GPR19: variants seen among roughly 807,000 people sequenced by gnomAD.
GPR19 encodes the protein G protein-coupled receptor 19, also known as probable G protein-coupled receptor 19.
In GPR19, 14 loss-of-function variants were observed where a neutral mutation model predicts 28.5. The ratio of observed to expected loss-of-function variants is 0.49; its 90% CI spans 0.32 to 0.77. GPR19 has a LOEUF of 0.77. GPR19 is among the 30% of genes least tolerant of loss of function. The pLI, the probability that GPR19 is intolerant of heterozygous loss-of-function variation, is 0.03. For synonymous variants in GPR19, 173 were observed against 184.1 expected, an observed-to-expected ratio of 0.94 and a Z score of 0.49; for missense variants, 409 against 504.1, an observed-to-expected ratio of 0.81 and a Z score of 1.81.
At position 12,675,438 on chromosome 12, in the gene GPR19, TC is replaced by T. The variant is rs912531841; in HGVS notation, c.-23+8912del. The stretch of plus-strand genomic sequence containing the variant: ...TAGGCAGAATGGTTCCCCAAAGATA[TC>T]CATGCCCTAATCCCTGGAACCTGTG... On this transcript the variant is annotated intron_variant, in intron 3 of 3. Coordinates refer to ENST00000651487, the MANE Select transcript of GPR19 (RefSeq NM_006143.3). Among the ~76,000 whole-genome samples, 14 of 152,244 alleles carry T rather than the reference TC, an allele frequency of 9.2e-5. 1 individual carries two copies. The South Asian group carries it at 2.3e-3, about 25-fold the overall frequency.
chr12:12,690,492 C>G (rs559579970), intron 2 of GPR19, among the ~76,000 whole-genome samples: 1 of 152,298 alleles, frequency 6.6e-6, no homozygotes, highest in East Asian at 1.9e-4. Flanking sequence ...TGAAAGTGGT[C>G]AGACCCAAGG....
intron 3 of GPR19, among the ~76,000 whole-genome samples, chr12:12,674,777 T>A (rs1483918833): frequency 6.6e-6 from 1 of 152,232 alleles, no homozygotes; most frequent in East Asian, 1.9e-4. Flanking sequence ...TGTACTATGT[T>A]AATAATTAGA....
In GPR19 at chr12:12,661,087, C is replaced by T. The variant is rs1259380592; in HGVS notation, c.*114G>A. ...ACAGTAAACAAATGAATGCATTTTA[C>T]AAAATAAAACATTTCCCTTGGAAAG... On this transcript the variant is annotated 3_prime_UTR_variant, in exon 4 of 4. Coordinates refer to ENST00000651487, the MANE Select transcript of GPR19 (RefSeq NM_006143.3). The surrounding 1 kb of genome is among the most constrained non-coding windows in gnomAD (Gnocchi z 4.2). 3 of 728,892 alleles carry T rather than the reference C, an allele frequency of 4.1e-6. No homozygotes were observed. The highest frequency in any genetic ancestry group is 3.2e-5 in the Admixed American group (1 of 30,860). The allele number at this position is 728,892 out of a possible 1,614,324, so 45.2% of individuals were successfully genotyped here.
At chr12:12,673,042 A>C (rs2136324143) in intron 3 of GPR19, among the ~76,000 whole-genome samples, 1 of 152,352 alleles carries the variant, frequency 6.6e-6, no homozygotes, top group South Asian at 2.1e-4. Flanking sequence ...ATGAGGGACC[A>C]AGAATTGACG....
chr12:12,697,032 CT>C (rs1378332189), upstream of GPR19, among the ~76,000 whole-genome samples: 5 of 151,836 alleles, frequency 3.3e-5, no homozygotes, highest in Admixed American at 6.6e-5. Flanking sequence ...CATTTAGTTA[CT>C]TATTTAGAAT....
chr12:12,681,843 C>T lies in GPR19; in HGVS notation c.-23+2508G>A, dbSNP rs189065727. ...CTATCTTGCTAACTTGAATTTAAAT[C>T]CTGACCAAGCTTTCAAAATGCCCCA... On this transcript the variant is annotated intron_variant, in intron 3 of 3. Transcript: ENST00000651487. Among the ~76,000 whole-genome samples the T allele has an allele frequency of 3.6e-3, 554 of 152,296 alleles. 2 individuals are homozygous for T. Among genetic ancestry groups the T allele is most frequent in the Non-Finnish European group, 6.0e-3 (411 of 68,016 alleles).
At chr12:12,713,080 T>A in the GPR19 span, among the ~76,000 whole-genome samples, 7 of 139,166 alleles carry the variant, frequency 5.0e-5, no homozygotes, top group East Asian at 8.7e-4. Context: ...TTTTTTTTTT[T>A]AAGACAGAGT....
chr12:12,705,998 C>T, the GPR19 span, among the ~76,000 whole-genome samples: 1 of 152,222 alleles, frequency 6.6e-6, no homozygotes, highest in African/African-American at 2.4e-5. Context: ...CCCCTGGCCA[C>T]AGCCTGGCCT....
intron 1 of GPR19, among the ~76,000 whole-genome samples, chr12:12,695,824 A>C (rs1439885689): frequency 6.6e-6 from 1 of 152,252 alleles, no homozygotes; most frequent in Non-Finnish European, 1.5e-5. Context: ...TACTGCCTTC[A>C]TTTATCTCTC....
chr12:12,662,433 T>C lies in GPR19; in HGVS notation c.16A>G (p.Arg6Gly). The change falls in exon 4 of 4, where the codon AGA (arginine) becomes GGA (glycine). Residue 6 changes from arginine to glycine, a missense_variant. Arg to Gly is a moderately radical substitution (Grantham distance 125). Coordinates refer to ENST00000651487, the MANE Select transcript of GPR19 (RefSeq NM_006143.3). ...AAATGTGGCTTGCTGTTATCCATTC[T>C]GTGAGCAAAAACCATATTCACTTTT... MVFAH[R>G]MDNSKPHLII... 6.2e-7 allele frequency: 1 copy of C among 1,613,468 alleles called. No homozygotes were observed. Among genetic ancestry groups the C allele is most frequent in the Non-Finnish European group, 8.5e-7 (1 of 1,179,586 alleles).
intron 2 of GPR19, chr12:12,688,781 CA>C (rs1946132477): frequency 6.6e-6 from 1 of 152,218 alleles, no homozygotes; most frequent in Non-Finnish European, 1.5e-5. Context: ...CTGAGTCTGC[CA>C]GGGGAGGTGG....
the GPR19 span, among the ~76,000 whole-genome samples, chr12:12,707,989 CTTTTTTT>C: frequency 8.0e-5 from 5 of 62,468 alleles, no homozygotes; most frequent in South Asian, 1.2e-3. Flanking sequence ...ATTTCCTATT[CTTTTTTT>C]TTTTTTTTTT....
At chr12:12,696,707 A>C (rs891056616), upstream of GPR19, among the ~76,000 whole-genome samples, 2 of 152,226 alleles carry the variant, frequency 1.3e-5, no homozygotes, top group Admixed American at 6.5e-5. Flanking sequence ...CGGTTTGTTT[A>C]CCAGTCCAGG....
At chr12:12,669,094 G>C (rs1244355514) in intron 3 of GPR19, 1 of 152,206 alleles carries the variant, frequency 6.6e-6, no homozygotes, top group Non-Finnish European at 1.5e-5. Flanking sequence ...GGAATACAAA[G>C]TTATTCCCTA....
chr12:12,675,191 T>C (rs1566147254), intron 3 of GPR19, among the ~76,000 whole-genome samples: 1 of 152,150 alleles, frequency 6.6e-6, no homozygotes, highest in Admixed American at 6.5e-5. Flanking sequence ...CAGAGGTTTT[T>C]TTATAGACAA....
chr12:12,664,180 G>A (rs1480104675), intron 3 of GPR19, among the ~76,000 whole-genome samples: 1 of 151,994 alleles, frequency 6.6e-6, no homozygotes, highest in Non-Finnish European at 1.5e-5. Context: ...AGTAGAGACC[G>A]GGTTTCCCCA....
chr12:12,661,200 C>T lies in GPR19; in HGVS notation c.*1G>A. 1.3e-6 allele frequency: 2 copies of T among 1,591,444 alleles called. No homozygotes were observed. Among genetic ancestry groups the T allele is most frequent in the Admixed American group, 3.6e-5 (2 of 56,020 alleles). ...TGCATAACAATTGAAAGAATGAGAA[C>T]TTAGACAAAAGTATTTGGTGGATTT... On this transcript the variant is annotated 3_prime_UTR_variant, in exon 4 of 4. Transcript: ENST00000651487. The surrounding 1 kb of genome is among the most constrained non-coding windows in gnomAD (Gnocchi z 4.2).
At chr12:12,711,484 T>C in the GPR19 span, among the ~76,000 whole-genome samples, 1 of 152,006 alleles carries the variant, frequency 6.6e-6, no homozygotes, top group Non-Finnish European at 1.5e-5. Flanking sequence ...ACAGGTTCTA[T>C]GCACTAGGCC....
At chr12:12,683,951 A>C (rs916580745) in intron 3 of GPR19, 2 of 5,210 alleles carry the variant, frequency 3.8e-4, no homozygotes, top group Admixed American at 3.5e-3. Context: ...TCAGCTCCCC[A>C]AGCCCTGCCA....
Sources: gnomAD v4.1 joint callset for allele counts (sites outside exome capture counted in the v4.1 genomes callset) on GRCh38, gnomAD v4.1.1 for gene constraint, Gnocchi (gnomAD v3.1) non-coding constraint, MANE v1.5 for transcripts, NCBI Gene and HGNC (gene_info 2026-07-23, HGNC 2026-07-21) for gene names.